Variants in GRTP1 observed in about 807,000 individuals in gnomAD.
GRTP1 encodes growth hormone-regulated TBC protein 1.
In GRTP1, 56 loss-of-function variants were observed where a neutral mutation model predicts 38.1. The ratio of observed to expected loss-of-function variants is 1.47; its 90% CI spans 1.19 to 1.84. The LOEUF is 1.84. Among genes scored for constraint, GRTP1 ranks in the 40% most tolerant of loss-of-function variants. GRTP1 has a pLI of 0.00. For synonymous variants in GRTP1, 217 were observed against 189.5 expected (o/e 1.14, Z -1.19); for missense variants, 506 against 453.9 (o/e 1.11, Z -1.04).
intron 5 of GRTP1, among the ~76,000 whole-genome samples, chr13:113,327,304 G>T (rs1468806855): frequency 6.6e-6 from 1 of 152,132 alleles, no homozygotes; most frequent in Non-Finnish European, 1.5e-5. Flanking sequence ...TTAGCCTCCT[G>T]AGTAGCTGGG....
chr13:113,346,192 C>A (rs1441031821), intron 4 of GRTP1, among the ~76,000 whole-genome samples: 17 of 135,716 alleles, frequency 1.3e-4, no homozygotes, highest in African/African-American at 2.6e-4. Flanking sequence ...ACCTCTGTGG[C>A]TGAGAGCAGA....
At chr13:113,338,764 T>C (rs1461785769) in intron 5 of GRTP1, among the ~76,000 whole-genome samples, 2 of 152,166 alleles carry the variant, frequency 1.3e-5, no homozygotes, top group African/African-American at 4.8e-5. Context: ...AACCCCAGTC[T>C]TTCCATTTCC....
chr13:113,354,107 A>T (rs2043336526), intron 3 of GRTP1, among the ~76,000 whole-genome samples: 1 of 152,162 alleles, frequency 6.6e-6, no homozygotes, highest in Admixed American at 6.5e-5. Flanking sequence ...AAAAACCACA[A>T]AACAGAGACT....
Position 113,325,911 on chromosome 13 carries a change from G to C in GRTP1, c.735+8C>G, listed in dbSNP as rs529073468. On this transcript the variant is annotated splice_region_variant and intron_variant, in intron 6 of 7. Transcript: ENST00000375431. ...CCGCCCGCCCCAGGGCCCGAGTGAG[G>C]CGCTCACCTCCACGGGCAAGATGTC... The C allele has an allele frequency of 3.1e-5, 50 of 1,613,946 alleles. No individual in the cohort carries two copies. The East Asian group carries it at 9.8e-4, about 32-fold the overall frequency.
intron 2 of GRTP1, among the ~76,000 whole-genome samples, chr13:113,358,815 G>A (rs941743487): frequency 3.9e-5 from 6 of 152,332 alleles, no homozygotes; most frequent in Non-Finnish European, 7.3e-5. Context: ...TATTTGTGGT[G>A]GGAATGCAAA....
chr13:113,327,907 G>C (rs757334350), intron 5 of GRTP1, among the ~76,000 whole-genome samples: 12 of 152,330 alleles, frequency 7.9e-5, no homozygotes, highest in South Asian at 6.2e-4. Flanking sequence ...CCCAGACACA[G>C]AGAAGCTTAG....
intron 3 of GRTP1, 29 bp from the exon 4 acceptor site, chr13:113,351,002 C>A (rs767115012): frequency 5.0e-6 from 8 of 1,611,922 alleles, no homozygotes; most frequent in Non-Finnish European, 5.9e-6. Context: ...GAATCACCCA[C>A]GGGTTTCTGT....
At chr13:113,360,871 G>A (rs1392829645) in intron 2 of GRTP1, among the ~76,000 whole-genome samples, 1 of 152,182 alleles carries the variant, frequency 6.6e-6, no homozygotes, top group Non-Finnish European at 1.5e-5. Flanking sequence ...AGCATTTTGG[G>A]AGGCTGAGGT....
At position 113,348,582 on chromosome 13, in the gene GRTP1, C is replaced by T. The variant is rs535582837; in HGVS notation, c.465+2267G>A. Among the ~76,000 whole-genome samples, 3 of 152,252 alleles carry T rather than the reference C, an allele frequency of 2.0e-5. No individual in the cohort carries two copies. Among genetic ancestry groups the T allele is most frequent in the Non-Finnish European group, 2.9e-5 (2 of 68,018 alleles). ...AAAAAGACTGTTGCAGATGTCATTA[C>T]GGATGGGGTCATGGAGGAGTTGGTG... On this transcript the variant is annotated intron_variant, in intron 4 of 7. Coordinates refer to ENST00000375431, the MANE Select transcript of GRTP1 (RefSeq NM_024719.4). The surrounding 1 kb of genome is among the most constrained non-coding windows in gnomAD (Gnocchi z 4.8).
At chr13:113,332,726 C>T (rs72665266) in intron 5 of GRTP1, among the ~76,000 whole-genome samples, 8,489 of 152,354 alleles carry the variant, frequency 0.056, 321 homozygotes, top group Non-Finnish European at 0.091. Flanking sequence ...GCCAGAGTTT[C>T]CTGGAGAAAC....
chr13:113,330,428 G>A (rs1454078425), intron 5 of GRTP1, among the ~76,000 whole-genome samples: 3 of 106,992 alleles, frequency 2.8e-5, no homozygotes, highest in Admixed American at 9.2e-5. Context: ...GTGTGCATGG[G>A]AGCCCGGGTG....
chr13:113,363,874 G>A lies in GRTP1; in HGVS notation c.69C>T (p.Phe23=), dbSNP rs1385547592. 1.9e-6 allele frequency: 3 copies of A among 1,611,840 alleles called. No individual in the cohort carries two copies. The highest frequency in any genetic ancestry group is 2.5e-6 in the Non-Finnish European group (3 of 1,179,570). Residue 23 remains phenylalanine (F), a synonymous_variant, in exon 2 of 8, where the codon TTC becomes TTT. Transcript: ENST00000375431. ...AAAACTTCTCGTAGGCGGCGTCGTC[G>A]AAGTCCTCAGGCCGCTCGAATCCGT... The part of the protein sequence containing the change: ...DPYGFERPED[F]DDAAYEKFFS...
intron 2 of GRTP1, among the ~76,000 whole-genome samples, chr13:113,362,752 G>T (rs1306968067): frequency 6.6e-6 from 1 of 152,104 alleles, no homozygotes; most frequent in Non-Finnish European, 1.5e-5. Context: ...AGGGCCCCTG[G>T]TTTCATCTCT....
intron 2 of GRTP1, 28 bp downstream of exon 2, chr13:113,363,734 G>C (rs779112895): frequency 1.0e-5 from 16 of 1,588,976 alleles, no homozygotes; most frequent in South Asian, 9.0e-5. Flanking sequence ...CTGCGCCCTC[G>C]GGACCCACCT....
At position 113,351,191 on chromosome 13, in the gene GRTP1, G is replaced by A. The variant is rs188818637; in HGVS notation, c.341-218C>T. On this transcript the variant is annotated intron_variant, in intron 3 of 7. Transcript: ENST00000375431. ...CTCGGGGCGGAGAGGGGCCCTAACC[G>A]TCCTTCCCGCAGAGTCAGGGACAGC... Among the ~76,000 whole-genome samples the A allele has an allele frequency of 2.3e-4, 35 of 152,248 alleles. 1 individual carries two copies. In the East Asian group the frequency reaches 6.4e-3, roughly 28 times the overall value.
intron 5 of GRTP1, among the ~76,000 whole-genome samples, chr13:113,338,270 G>A (rs1405172864): frequency 2.0e-5 from 3 of 152,188 alleles, no homozygotes; most frequent in Non-Finnish European, 4.4e-5. Context: ...AAGAGGCCGC[G>A]GGTGTGGCAG....
intron 5 of GRTP1, among the ~76,000 whole-genome samples, chr13:113,336,929 A>C (rs1595484104): frequency 6.6e-6 from 1 of 152,240 alleles, no homozygotes; most frequent in African/African-American, 2.4e-5. Context: ...CTACCAGGAA[A>C]TAATGTTTCT....
chr13:113,326,392 C>CGG (rs1189228789), intron 5 of GRTP1, among the ~76,000 whole-genome samples: 1 of 4,160 alleles, frequency 2.4e-4, no homozygotes, highest in Non-Finnish European at 7.2e-4. Flanking sequence ...GGGGGGGGGG[C>CGG]GGGAGCGTGG....
At position 113,344,829 on chromosome 13, in the gene GRTP1, C is replaced by T. The variant is rs770480469; in HGVS notation, c.562+34G>A. 2.6e-6 allele frequency: 4 copies of T among 1,562,952 alleles called. No individual in the cohort carries two copies. The South Asian group carries it at 4.8e-5, about 19-fold the overall frequency. ...CATTTTGGCAGCACCAGAAACAGGA[C>T]AGTTCGGGCATACCGCAGGAATTTT... On this transcript the variant is annotated intron_variant, in intron 5 of 7. Transcript: ENST00000375431.
Sources: allele counts gnomAD v4.1 joint callset (sites outside exome capture counted in the v4.1 genomes callset), GRCh38; gene constraint gnomAD v4.1.1; non-coding constraint Gnocchi (gnomAD v3.1); transcripts MANE v1.5; gene names NCBI Gene and HGNC (gene_info 2026-07-23, HGNC 2026-07-21).